The following MSRA variants were observed in gnomAD, a reference collection of about 807,000 sequenced individuals.
The protein encoded by MSRA is mitochondrial peptide methionine sulfoxide reductase.
A neutral mutation model predicts 31.3 loss-of-function variants in MSRA; 54 were observed. The ratio of observed to expected loss-of-function variants is 1.73; its 90% CI spans 1.39 to 2.17. The LOEUF is 2.17. Ranked by LOEUF, MSRA falls within the 30% of genes most tolerant of loss-of-function variation. The pLI is 0.00. For missense variants in MSRA, 507 were observed against 300.9 expected (o/e 1.69, Z -5.07); for synonymous variants, 169 against 116.5 (o/e 1.45, Z -2.90).
Position 10,389,253 on chromosome 8 carries a change from G to C in MSRA, c.544-38895G>C, listed in dbSNP as rs531768147. Among the ~76,000 whole-genome samples the C allele has an allele frequency of 2.0e-5, 3 of 152,222 alleles. No homozygotes were observed. In the East Asian group the frequency reaches 5.8e-4, roughly 29 times the overall value. On this transcript the variant is annotated intron_variant, in intron 5 of 5. Transcript: ENST00000317173. ...GTGACTTGAAATAAGCTGTAGCCAG[G>C]CTTGAGAACCACCGGAGTCATCTTC...
intron 3 of MSRA, among the ~76,000 whole-genome samples, chr8:10,269,619 C>G (rs1043722739): frequency 1.3e-5 from 2 of 152,142 alleles, no homozygotes; most frequent in African/African-American, 4.8e-5. Context: ...CGCTTACTCT[C>G]TCTTTTGGTT....
intron 1 of MSRA, among the ~76,000 whole-genome samples, chr8:10,087,807 T>G (rs1798646201): frequency 6.6e-6 from 1 of 152,252 alleles, no homozygotes; most frequent in African/African-American, 2.4e-5. Flanking sequence ...TTAAACTTTT[T>G]CTAAGAGAGA....
chr8:10,357,251 A>G (rs562695082), intron 5 of MSRA, among the ~76,000 whole-genome samples: 9 of 152,280 alleles, frequency 5.9e-5, no homozygotes, highest in African/African-American at 1.9e-4. Context: ...GTTTTCATTT[A>G]TTAATTGGGA....
intron 5 of MSRA, among the ~76,000 whole-genome samples, chr8:10,394,931 A>G (rs774706760): frequency 6.6e-6 from 1 of 152,240 alleles, no homozygotes; most frequent in African/African-American, 2.4e-5. Flanking sequence ...CAATCCACAT[A>G]TGAACTGAGT....
At chr8:10,380,380 T>G (rs1397040444) in intron 5 of MSRA, among the ~76,000 whole-genome samples, 1 of 152,188 alleles carries the variant, frequency 6.6e-6, no homozygotes, top group Non-Finnish European at 1.5e-5. Context: ...CCCTGCACTG[T>G]ATTTGGTGGG....
intron 1 of MSRA, among the ~76,000 whole-genome samples, chr8:10,124,743 G>A (rs1801380611): frequency 6.6e-6 from 1 of 152,116 alleles, no homozygotes; most frequent in Admixed American, 6.5e-5. Flanking sequence ...AGGATGCAGA[G>A]ATGATTTTTT....
intron 5 of MSRA, among the ~76,000 whole-genome samples, chr8:10,343,054 GACACACACACACAC>G (rs1202875145): frequency 1.4e-5 from 1 of 70,654 alleles, no homozygotes; most frequent in Non-Finnish European, 2.6e-5. Flanking sequence ...CACACACACA[GACACACACACACAC>G]ACACACATTT....
chr8:10,239,586 C>G (rs1312413508), intron 2 of MSRA, among the ~76,000 whole-genome samples: 1 of 152,242 alleles, frequency 6.6e-6, no homozygotes, highest in Non-Finnish European at 1.5e-5. Context: ...ACCTGGCAAA[C>G]TCCTTTTGCC....
At chr8:10,112,530 T>G (rs1036096533) in intron 1 of MSRA, among the ~76,000 whole-genome samples, 2 of 152,132 alleles carry the variant, frequency 1.3e-5, no homozygotes, top group Non-Finnish European at 2.9e-5. Flanking sequence ...AAATAAGAAA[T>G]ACAAATACTG....
chr8:10,338,726 A>T (rs1054270140), intron 5 of MSRA, among the ~76,000 whole-genome samples: 2 of 152,216 alleles, frequency 1.3e-5, no homozygotes, highest in East Asian at 3.8e-4. Context: ...ATTCTCCAAG[A>T]AGTGCCACCT....
At chr8:10,412,676 G>C (rs1203869625) in intron 5 of MSRA, among the ~76,000 whole-genome samples, 1 of 152,310 alleles carries the variant, frequency 6.6e-6, no homozygotes, top group African/African-American at 2.4e-5. Flanking sequence ...TTCACCTACA[G>C]GATGCCTTTG....
chr8:10,162,902 G>A (rs188343631), intron 1 of MSRA, among the ~76,000 whole-genome samples: 3 of 152,216 alleles, frequency 2.0e-5, no homozygotes, highest in East Asian at 3.9e-4. Context: ...GTGGGTTCAC[G>A]GAATATCATG....
intron 5 of MSRA, among the ~76,000 whole-genome samples, chr8:10,417,011 A>C (rs1808501241): frequency 6.6e-6 from 1 of 152,248 alleles, no homozygotes; most frequent in African/African-American, 2.4e-5. Flanking sequence ...GAAAGCCATT[A>C]GCTGTGTGAC....
rs137953867 is a variant in MSRA, at chr8:10,079,430, C to A, written c.142+24772C>A. The stretch of plus-strand genomic sequence containing the variant: ...TAGGCCTCCCAAAGTGCTGGACTTA[C>A]AGGTGTGAGCCACCACACCCGACCA... On this transcript the variant is annotated intron_variant, in intron 1 of 5. Transcript: ENST00000317173. 2.6e-5 allele frequency among the ~76,000 whole-genome samples: 4 copies of A among 152,266 alleles called. No homozygotes were observed. In the East Asian group the frequency reaches 5.8e-4, roughly 22 times the overall value.
chr8:10,152,695 G>A (rs937393819), intron 1 of MSRA, among the ~76,000 whole-genome samples: 8 of 152,142 alleles, frequency 5.3e-5, no homozygotes, highest in African/African-American at 1.9e-4. Flanking sequence ...TCTGAAGGAG[G>A]TTGTTAAAAA....
chr8:10,374,727 T>G (rs567961404), intron 5 of MSRA, among the ~76,000 whole-genome samples: 2 of 152,230 alleles, frequency 1.3e-5, no homozygotes, highest in East Asian at 3.9e-4. Flanking sequence ...TGAAAAAACT[T>G]TGGGATTGAC....
intron 2 of MSRA, among the ~76,000 whole-genome samples, chr8:10,231,068 C>G (rs573893566): frequency 6.6e-5 from 10 of 152,218 alleles, no homozygotes; most frequent in African/African-American, 2.4e-4. Context: ...TTACAGGCAT[C>G]AGCCACCGCA....
intron 4 of MSRA, among the ~76,000 whole-genome samples, chr8:10,308,587 A>C (rs961767976): frequency 6.6e-6 from 1 of 152,076 alleles, no homozygotes; most frequent in Non-Finnish European, 1.5e-5. Context: ...TGAGATCCGG[A>C]CTCTTTACAG....
chr8:10,072,870 G>T (rs536980161), intron 1 of MSRA, among the ~76,000 whole-genome samples: 1 of 152,260 alleles, frequency 6.6e-6, no homozygotes, highest in South Asian at 2.1e-4. Context: ...GATTGTAAAT[G>T]ATATGGTATC....
Sources: gnomAD v4.1 joint callset for allele counts (sites outside exome capture counted in the v4.1 genomes callset) on GRCh38, gnomAD v4.1.1 for gene constraint, MANE v1.5 for transcripts, NCBI Gene and HGNC (gene_info 2026-07-23, HGNC 2026-07-21) for gene names.